MARCHF8: variants seen among roughly 807,000 people sequenced by gnomAD.
The protein encoded by MARCHF8 is E3 ubiquitin-protein ligase MARCHF8.
A neutral mutation model predicts 51.6 loss-of-function variants in MARCHF8; 40 were observed. The ratio of observed to expected loss-of-function variants is 0.77; its 90% CI spans 0.60 to 1.01. The LOEUF is 1.01. MARCHF8 is among the 50% of genes least tolerant of loss of function. MARCHF8 has a pLI of 0.00. For synonymous variants in MARCHF8, 263 were observed against 280.3 expected (o/e 0.94, Z 0.62); for missense variants, 685 against 708.6 (o/e 0.97, Z 0.38).
intron 6 of MARCHF8, among the ~76,000 whole-genome samples, chr10:45,460,605 G>C (rs1055618766): frequency 1.3e-5 from 2 of 152,184 alleles, no homozygotes; most frequent in Non-Finnish European, 2.9e-5. Flanking sequence ...AGAGATATAT[G>C]AAACAGTCAA....
rs1842557070 is a variant in MARCHF8 at position 45,454,886 on chromosome 10, G to A, written c.*3353C>T. 6.6e-6 allele frequency: 1 copy of A among 152,216 alleles called. No homozygotes were observed. Among genetic ancestry groups the A allele is most frequent in the Admixed American group, 6.5e-5 (1 of 15,286 alleles). 9.4% of individuals were successfully genotyped at this position (152,216 alleles called of 1,614,324 possible). The stretch of plus-strand genomic sequence containing the variant: ...GCACAACTTCAACAATTACTTCCAA[G>A]ACAAAGATAAATGCTTTTATTTCCC... On this transcript the variant is annotated 3_prime_UTR_variant, in exon 8 of 8. Transcript: ENST00000453424.
chr10:45,518,833 C>G (rs1263978105), intron 2 of MARCHF8, among the ~76,000 whole-genome samples: 1 of 152,178 alleles, frequency 6.6e-6, no homozygotes, highest in Non-Finnish European at 1.5e-5. Context: ...CCCAAAGCTA[C>G]CAGCATCCTA....
rs1386406158 is a variant in MARCHF8 at position 45,484,126 on chromosome 10, T to C, written c.153+5241A>G. 4.6e-5 allele frequency among the ~76,000 whole-genome samples: 7 copies of C among 152,292 alleles called. No individual in the cohort carries two copies. In the East Asian group the frequency reaches 1.4e-3, roughly 29 times the overall value. ...GGACACCCCAAATACCCTGACTTGA[T>C]CATTACATAGTCTATGCATGTAACA... On this transcript the variant is annotated intron_variant, in intron 3 of 7. Coordinates refer to ENST00000453424, the MANE Select transcript of MARCHF8 (RefSeq NM_001282866.2).
At chr10:45,473,539 G>T (rs7087633) in intron 3 of MARCHF8, among the ~76,000 whole-genome samples, 7 of 151,912 alleles carry the variant, frequency 4.6e-5, no homozygotes, top group East Asian at 1.9e-4. Flanking sequence ...GGCTTCCCTG[G>T]GGATAAAATA....
intron 3 of MARCHF8, among the ~76,000 whole-genome samples, chr10:45,483,829 T>C (rs1187620849): frequency 6.6e-6 from 1 of 152,168 alleles, no homozygotes; most frequent in Non-Finnish European, 1.5e-5. Context: ...CACTCACATG[T>C]GGGAGCTATA....
At chr10:45,495,050 G>A (rs1191488440) in intron 2 of MARCHF8, among the ~76,000 whole-genome samples, 1 of 151,842 alleles carries the variant, frequency 6.6e-6, no homozygotes, top group African/African-American at 2.4e-5. Flanking sequence ...AACCTGAAAG[G>A]CAGAGGTTGC....
chr10:45,570,942 T>C (rs2133389936), intron 1 of MARCHF8, among the ~76,000 whole-genome samples: 1 of 151,452 alleles, frequency 6.6e-6, no homozygotes, highest in African/African-American at 2.5e-5. Context: ...CCTAAGTAAA[T>C]GAAGATATAT....
intron 5 of MARCHF8, 62 bp downstream of exon 5, chr10:45,463,089 A>G (rs1842844759): frequency 2.2e-5 from 32 of 1,486,514 alleles, no homozygotes; most frequent in Non-Finnish European, 2.8e-5. Flanking sequence ...CACATACTAA[A>G]GCAAGAGGAG....
intron 2 of MARCHF8, among the ~76,000 whole-genome samples, chr10:45,515,327 G>A (rs2043599999): frequency 6.6e-6 from 1 of 152,062 alleles, no homozygotes; most frequent in South Asian, 2.1e-4. Context: ...TTTTCTCACT[G>A]CTGCAATGTT....
Position 45,463,867 on chromosome 10 carries a change from T to C in MARCHF8, c.372A>G (p.Leu124=). The C allele has an allele frequency of 6.5e-7, 1 of 1,538,940 alleles. No homozygotes were observed. Among genetic ancestry groups the C allele is most frequent in the Non-Finnish European group, 8.7e-7 (1 of 1,146,952 alleles). Residue 124 remains leucine, a synonymous_variant, in exon 5 of 8, where the codon TTA becomes TTG. Transcript: ENST00000453424. ...LTVTVICKDT[L]QASKRNSFGS... ...CAAAGGAATTTCTCTTTGACGCCTG[T>C]AATGTGTCCTTACAGATAACTGTCA...
intron 3 of MARCHF8, among the ~76,000 whole-genome samples, chr10:45,484,768 A>G (rs971555501): frequency 1.3e-5 from 2 of 152,194 alleles, no homozygotes; most frequent in Non-Finnish European, 2.9e-5. Flanking sequence ...CCTCTCGGAC[A>G]GAACAAAAGG....
At chr10:45,523,432 G>A (rs1338655659) in intron 2 of MARCHF8, among the ~76,000 whole-genome samples, 1 of 152,224 alleles carries the variant, frequency 6.6e-6, no homozygotes, top group Non-Finnish European at 1.5e-5. Context: ...GCTGGGATGG[G>A]AGGATCACTT....
At position 45,458,145 on chromosome 10, in the gene MARCHF8, G is replaced by C. The variant is rs1471928102; in HGVS notation, c.*94C>G. On this transcript the variant is annotated 3_prime_UTR_variant, in exon 8 of 8. Transcript: ENST00000453424. ...ATAAATAGTCACCTGTCCAGTCTAT[G>C]CTATTAAAGGACATAAGAAAGGTAT... The C allele has an allele frequency of 8.0e-7, 1 of 1,256,704 alleles. No homozygotes were observed. The highest frequency in any genetic ancestry group is 2.4e-5 in the Admixed American group (1 of 41,476). 77.8% of individuals were successfully genotyped at this position (1,256,704 alleles called of 1,614,324 possible).
chr10:45,487,168 C>A (rs753777235), intron 3 of MARCHF8, among the ~76,000 whole-genome samples: 19 of 152,212 alleles, frequency 1.2e-4, no homozygotes, highest in Middle Eastern at 3.4e-3. Flanking sequence ...TTTTCAAAAT[C>A]ACATGGCTAG....
intron 1 of MARCHF8, among the ~76,000 whole-genome samples, chr10:45,544,514 T>C (rs2044096679): frequency 6.6e-6 from 1 of 152,186 alleles, no homozygotes; most frequent in African/African-American, 2.4e-5. Context: ...GGCTTATCTA[T>C]ACAATGAAAT....
At chr10:45,502,223 G>A (rs1298579392) in intron 2 of MARCHF8, among the ~76,000 whole-genome samples, 4 of 152,132 alleles carry the variant, frequency 2.6e-5, no homozygotes, top group African/African-American at 9.7e-5. Context: ...TAAACGGTTA[G>A]AAAACTGTGG....
At chr10:45,475,206 G>A (rs780919525) in intron 3 of MARCHF8, among the ~76,000 whole-genome samples, 20 of 152,188 alleles carry the variant, frequency 1.3e-4, no homozygotes, top group African/African-American at 1.9e-4. Context: ...GCCACTGCAC[G>A]TTTTCACAAG....
intron 1 of MARCHF8, among the ~76,000 whole-genome samples, chr10:45,576,851 C>G (rs902571660): frequency 4.0e-5 from 6 of 150,472 alleles, no homozygotes; most frequent in Non-Finnish European, 5.9e-5. Flanking sequence ...CAGCTACGCA[C>G]GAAGCTAAGG....
chr10:45,568,340 T>C (rs1228932252), intron 1 of MARCHF8, among the ~76,000 whole-genome samples: 1 of 152,188 alleles, frequency 6.6e-6, no homozygotes, highest in Non-Finnish European at 1.5e-5. Context: ...GGCATCCTTG[T>C]CATATTCCAG....
Sources: gnomAD v4.1 joint callset for allele counts (sites outside exome capture counted in the v4.1 genomes callset) on GRCh38, gnomAD v4.1.1 for gene constraint, MANE v1.5 for transcripts, NCBI Gene and HGNC (gene_info 2026-07-23, HGNC 2026-07-21) for gene names.